Variants in RBM20 observed in about 807,000 individuals in gnomAD.
The protein encoded by RBM20 is RNA binding motif protein 20, also known as RNA-binding protein 20.
A neutral mutation model predicts 110.1 loss-of-function variants in RBM20; 51 were observed. The observed-to-expected ratio is 0.46, with a 90% CI of 0.37 to 0.59. The LOEUF is 0.59. Ranked by LOEUF, RBM20 falls within the 20% of genes least tolerant of loss-of-function variation. The probability of loss-of-function intolerance (pLI) is 0.00; values close to 1 mark genes in which losing one functional copy is unlikely to be tolerated. For missense variants in RBM20, 1,512 were observed against 1,574.9 expected (o/e 0.96, Z 0.68); for synonymous variants, 589 against 618.2 (o/e 0.95, Z 0.70).
At chr10:110,654,388 A>C (rs981239205) in intron 1 of RBM20, among the ~76,000 whole-genome samples, 1 of 152,192 alleles carries the variant, frequency 6.6e-6, no homozygotes, top group African/African-American at 2.4e-5. Flanking sequence ...ACTCTATAAG[A>C]GACATTCCAT....
intron 1 of RBM20, among the ~76,000 whole-genome samples, chr10:110,738,467 C>T (rs573840536): frequency 6.6e-6 from 1 of 152,280 alleles, no homozygotes; most frequent in East Asian, 1.9e-4. Context: ...TGCCCTTTCT[C>T]CCAGCAAAGT....
chr10:110,717,666 G>T (rs1254408334), intron 1 of RBM20, among the ~76,000 whole-genome samples: 1 of 152,198 alleles, frequency 6.6e-6, no homozygotes, highest in Admixed American at 6.5e-5. Context: ...CTTGTGTTCT[G>T]TAGTGGATCC....
rs1187395677 is a variant in RBM20 at position 110,812,775 on chromosome 10, G to A, written c.2378G>A (p.Ser793Asn). 6.4e-7 allele frequency: 1 copy of A among 1,551,706 alleles called. No individual in the cohort carries two copies. Among genetic ancestry groups the A allele is most frequent in the Admixed American group, 2.0e-5 (1 of 51,006 alleles). Residue 793 changes from serine (S) to asparagine (N), a missense_variant, in exon 9 of 14, where the codon AGC (serine) becomes AAC (asparagine). By Grantham distance (46) the Ser-to-Asn change is conservative. This residue lies in a region of RBM20 where 1,149 missense variants were observed against 1,169.4 expected (regional missense o/e 0.98). Transcript: ENST00000369519. ...RRKDEARLRE[S>N]RHPHPDDSGK... Reference sequence around the variant, plus strand: ...AAAGACGAGGCCAGGCTGCGGGAAAGCAGACACCCCCATCCGGATGACTCA... The same window carrying A: ...AAAGACGAGGCCAGGCTGCGGGAAAACAGACACCCCCATCCGGATGACTCA...
intron 1 of RBM20, among the ~76,000 whole-genome samples, chr10:110,661,137 T>A (rs1469521382): frequency 6.6e-6 from 1 of 152,188 alleles, no homozygotes; most frequent in African/African-American, 2.4e-5. Flanking sequence ...AAATACTGAC[T>A]TTAGTGATTG....
chr10:110,768,221 A>AGG (rs1844136095), intron 1 of RBM20, among the ~76,000 whole-genome samples: 1 of 150,494 alleles, frequency 6.6e-6, no homozygotes, highest in African/African-American at 2.5e-5. Context: ...TAGACCGTGG[A>AGG]AAGAGGGGAG....
At chr10:110,757,648 C>CA (rs890811147) in intron 1 of RBM20, among the ~76,000 whole-genome samples, 2 of 152,120 alleles carry the variant, frequency 1.3e-5, no homozygotes, top group African/African-American at 4.8e-5. Context: ...TGGTCTTTTG[C>CA]AAAAACAGAG....
intron 5 of RBM20, among the ~76,000 whole-genome samples, chr10:110,792,771 C>T (rs920468247): frequency 3.9e-5 from 6 of 152,208 alleles, no homozygotes; most frequent in Non-Finnish European, 8.8e-5. Context: ...GATTCATAAA[C>T]AAGGTGCTCA....
At chr10:110,695,960 G>A (rs530725350) in intron 1 of RBM20, among the ~76,000 whole-genome samples, 1 of 152,178 alleles carries the variant, frequency 6.6e-6, no homozygotes, top group Non-Finnish European at 1.5e-5. Flanking sequence ...CCTAATAGTG[G>A]TCTTGCCTGA....
intron 1 of RBM20, among the ~76,000 whole-genome samples, chr10:110,721,268 A>G (rs766707749): frequency 3.3e-5 from 5 of 152,220 alleles, no homozygotes; most frequent in Non-Finnish European, 4.4e-5. Context: ...TGCTGAGTCA[A>G]TCTCCATCCC....
intron 1 of RBM20, among the ~76,000 whole-genome samples, chr10:110,718,902 C>T (rs1433107104): frequency 6.6e-6 from 1 of 152,174 alleles, no homozygotes; most frequent in African/African-American, 2.4e-5. Flanking sequence ...AGGCATAAGC[C>T]ACCATACCCA....
At chr10:110,694,895 G>C (rs1862638418) in intron 1 of RBM20, among the ~76,000 whole-genome samples, 1 of 152,114 alleles carries the variant, frequency 6.6e-6, no homozygotes, top group Non-Finnish European at 1.5e-5. Context: ...ATTTAGGAAA[G>C]AATTGGAGTA....
At chr10:110,785,341 A>G (rs1004337344) in intron 5 of RBM20, among the ~76,000 whole-genome samples, 2 of 152,160 alleles carry the variant, frequency 1.3e-5, no homozygotes, top group Non-Finnish European at 2.9e-5. Context: ...CCAAGATGAC[A>G]TGACCAGAAG....
In RBM20 at chr10:110,781,613, C is replaced by T. The variant is rs765185397; in HGVS notation, c.1004C>T (p.Ala335Val). The change falls in exon 2 of 14, where the codon GCA (alanine) becomes GTA (valine). Residue 335 changes from alanine (A) to valine (V), a missense_variant. This residue lies in a region of RBM20 where 1,149 missense variants were observed against 1,169.4 expected (regional missense o/e 0.98). Coordinates refer to ENST00000369519, the MANE Select transcript of RBM20 (RefSeq NM_001134363.3). The stretch of plus-strand genomic sequence containing the variant: ...GGCCAAAGCAAGCCTGATCTCACAG[C>T]AGGTCCCATGTGGCCTCCACCCCAC... The part of the protein sequence containing the change: ...FSGQSKPDLT[A>V]GPMWPPPHNQ... The T allele has an allele frequency of 6.4e-7, 1 of 1,551,050 alleles. No homozygotes were observed.
At chr10:110,789,540 C>T (rs1844459653) in intron 5 of RBM20, among the ~76,000 whole-genome samples, 1 of 151,852 alleles carries the variant, frequency 6.6e-6, no homozygotes, top group Admixed American at 6.6e-5. Context: ...TTACTGTAAT[C>T]TCCACCTCCT....
Position 110,821,885 on chromosome 10 carries a change from C to A in RBM20, c.3266C>A (p.Pro1089His), listed in dbSNP as rs772708424. 7.7e-6 allele frequency: 12 copies of A among 1,551,720 alleles called. No homozygotes were observed. In the East Asian group the frequency reaches 9.8e-5, roughly 13 times the overall value. Residue 1089 changes from proline (P) to histidine (H), a missense_variant, in exon 11 of 14, where the codon CCC becomes CAC. Coordinates refer to ENST00000369519, the MANE Select transcript of RBM20 (RefSeq NM_001134363.3). ...GSPLEEKASP[P>H]IETDLQNQAC... The stretch of plus-strand genomic sequence containing the variant: ...CCCCTGGAGGAGAAAGCCAGCCCCC[C>A]CATCGAAACTGACCTCCAAAACCAA...
At chr10:110,701,859 G>A (rs1862762424) in intron 1 of RBM20, among the ~76,000 whole-genome samples, 1 of 152,252 alleles carries the variant, frequency 6.6e-6, no homozygotes, top group African/African-American at 2.4e-5. Context: ...GGATCTGTAA[G>A]AGCCTGTGGG....
rs536356419 is a variant in RBM20, at chr10:110,787,617, C to T, written c.1527+2728C>T. On this transcript the variant is annotated intron_variant, in intron 5 of 13. Coordinates refer to ENST00000369519, the MANE Select transcript of RBM20 (RefSeq NM_001134363.3). ...TTCCCATGGATGTACTTTTAAATTA[C>T]GTACCAGTGGGCAAGCACAAGCTAT... Among the ~76,000 whole-genome samples the T allele has an allele frequency of 3.9e-5, 6 of 152,344 alleles. No individual in the cohort carries two copies. In the South Asian group the frequency reaches 1.2e-3, roughly 32 times the overall value.
chr10:110,756,028 C>T (rs370314898), intron 1 of RBM20, among the ~76,000 whole-genome samples: 43 of 152,218 alleles, frequency 2.8e-4, no homozygotes, highest in African/African-American at 1.0e-3. Flanking sequence ...AACGCTCCAA[C>T]GTGCATCTGT....
intron 1 of RBM20, among the ~76,000 whole-genome samples, chr10:110,702,497 G>A (rs899910684): frequency 3.9e-5 from 6 of 152,182 alleles, no homozygotes; most frequent in East Asian, 1.9e-4. Flanking sequence ...GATGGCGACC[G>A]TGCACTGCAG....
Sources: gnomAD v4.1 joint callset for allele counts (sites outside exome capture counted in the v4.1 genomes callset) on GRCh38, gnomAD v4.1.1 for gene constraint, gnomAD v4.1.1 regional missense constraint, MANE v1.5 for transcripts, NCBI Gene and HGNC (gene_info 2026-07-23, HGNC 2026-07-21) for gene names.